The following KDM4C variants were observed in gnomAD, a reference collection of about 807,000 sequenced individuals.
KDM4C encodes the protein lysine-specific demethylase 4C.
KDM4C carries 81 observed loss-of-function variants against 129.3 expected under a neutral mutation model. The observed-to-expected ratio is 0.63, with a 90% CI of 0.52 to 0.75. KDM4C has a LOEUF of 0.75. KDM4C is among the 30% of genes least tolerant of loss of function. The pLI, the probability that KDM4C is intolerant of heterozygous loss-of-function variation, is 0.00. For missense variants in KDM4C, 1,457 were observed against 1,304.0 expected, an observed-to-expected ratio of 1.12 and a Z score of -1.81; for synonymous variants, 573 against 456.1, an observed-to-expected ratio of 1.26 and a Z score of -3.26.
intron 8 of KDM4C, among the ~76,000 whole-genome samples, chr9:6,893,983 T>C (rs189571914): frequency 3.5e-3 from 527 of 152,320 alleles, no homozygotes; most frequent in Non-Finnish European, 4.7e-3. Flanking sequence ...AGCTTCTAAA[T>C]AAAACTGTGT....
At chr9:7,040,777 A>G (rs778622195) in intron 15 of KDM4C, among the ~76,000 whole-genome samples, 10 of 151,890 alleles carry the variant, frequency 6.6e-5, no homozygotes, top group Middle Eastern at 3.2e-3. Flanking sequence ...ATTGTTTACT[A>G]AATGTGGCTT....
chr9:6,897,753 G>A (rs1253744629), intron 8 of KDM4C, among the ~76,000 whole-genome samples: 2 of 152,186 alleles, frequency 1.3e-5, no homozygotes, highest in Non-Finnish European at 2.9e-5. Flanking sequence ...TTGCAAAGTT[G>A]TAGTATTAAT....
At chr9:6,823,880 CAT>C (rs2131247886) in intron 4 of KDM4C, among the ~76,000 whole-genome samples, 1 of 152,362 alleles carries the variant, frequency 6.6e-6, no homozygotes, top group South Asian at 2.1e-4. Flanking sequence ...CTGTAGGTCT[CAT>C]ATGCTCACTT....
chr9:6,978,642 TC>T, intron 8 of KDM4C: 1 of 152,408 alleles, frequency 6.6e-6, no homozygotes, highest in East Asian at 1.9e-4. Context: ...TGGCAGCATT[TC>T]TGCTGGTATA....
At chr9:6,795,835 C>G (rs1326642522) in intron 2 of KDM4C, among the ~76,000 whole-genome samples, 1 of 150,982 alleles carries the variant, frequency 6.6e-6, no homozygotes, top group African/African-American at 2.4e-5. Flanking sequence ...CCATGCCTGG[C>G]TAAGTTTTGT....
At chr9:7,065,394 A>T (rs537124099) in intron 17 of KDM4C, among the ~76,000 whole-genome samples, 1 of 152,172 alleles carries the variant, frequency 6.6e-6, no homozygotes, top group Non-Finnish European at 1.5e-5. Flanking sequence ...GCTTAAGGTT[A>T]ATTAAAACTT....
chr9:7,072,140 T>G (rs1417702473), intron 17 of KDM4C, among the ~76,000 whole-genome samples: 7 of 152,214 alleles, frequency 4.6e-5, no homozygotes, highest in Admixed American at 4.6e-4. Flanking sequence ...AGTGTTAAGA[T>G]AACTGACAGT....
chr9:6,777,453 G>C (rs959603333), intron 1 of KDM4C, among the ~76,000 whole-genome samples: 1 of 152,110 alleles, frequency 6.6e-6, no homozygotes, highest in Non-Finnish European at 1.5e-5. Flanking sequence ...CACATCTCCG[G>C]GGCTGTGGGA....
intron 5 of KDM4C, among the ~76,000 whole-genome samples, chr9:6,858,445 C>A (rs1840296752): frequency 1.3e-5 from 2 of 152,042 alleles, no homozygotes; most frequent in South Asian, 4.1e-4. Flanking sequence ...AGAATGTTTA[C>A]CCAACTTTCT....
chr9:6,809,566 G>C (rs902340743), intron 3 of KDM4C, among the ~76,000 whole-genome samples: 2 of 152,186 alleles, frequency 1.3e-5, no homozygotes, highest in African/African-American at 2.4e-5. Context: ...AGTGCTATGA[G>C]GTTTCAAAGG....
intron 12 of KDM4C, among the ~76,000 whole-genome samples, chr9:7,000,442 G>T (rs533840264): frequency 6.6e-6 from 1 of 152,294 alleles, no homozygotes; most frequent in South Asian, 2.1e-4. Context: ...GAGATTGTAA[G>T]ATGATAAGAA....
chr9:7,012,781 A>G (rs1822946438), intron 13 of KDM4C, among the ~76,000 whole-genome samples: 1 of 152,232 alleles, frequency 6.6e-6, no homozygotes, highest in Non-Finnish European at 1.5e-5. Context: ...ATTTTAAGGT[A>G]CAATATATTA....
At chr9:6,886,653 C>T (rs552807895) in intron 6 of KDM4C, among the ~76,000 whole-genome samples, 3 of 151,866 alleles carry the variant, frequency 2.0e-5, no homozygotes, top group South Asian at 2.1e-4. Context: ...CACCATGCCT[C>T]GCTAATTTTT....
At chr9:6,762,746 C>T (rs1819806718) in intron 1 of KDM4C, among the ~76,000 whole-genome samples, 2 of 151,152 alleles carry the variant, frequency 1.3e-5, no homozygotes, top group Non-Finnish European at 2.9e-5. Flanking sequence ...GCAACCTCCA[C>T]CTCCTGGGTT....
chr9:7,102,409 G>A (rs1354908157), intron 17 of KDM4C, among the ~76,000 whole-genome samples: 2 of 141,246 alleles, frequency 1.4e-5, no homozygotes, highest in African/African-American at 2.7e-5. Flanking sequence ...CATGAGATTC[G>A]TGTTGTAAAG....
At chr9:6,766,287 GC>G (rs1307621616) in intron 1 of KDM4C, among the ~76,000 whole-genome samples, 10 of 152,044 alleles carry the variant, frequency 6.6e-5, no homozygotes, top group African/African-American at 2.4e-4. Context: ...TGTCATGTTT[GC>G]CCTCGAAACT....
chr9:7,097,500 AC>A (rs1030178658), intron 17 of KDM4C, among the ~76,000 whole-genome samples: 2 of 152,056 alleles, frequency 1.3e-5, no homozygotes, highest in Non-Finnish European at 2.9e-5. Context: ...CTCCTCCATG[AC>A]CTGAGTCATC....
chr9:6,822,622 G>A (rs1252574416), intron 4 of KDM4C, among the ~76,000 whole-genome samples: 2 of 152,128 alleles, frequency 1.3e-5, no homozygotes, highest in African/African-American at 4.8e-5. Flanking sequence ...CTAAGGGCTG[G>A]TCTGCCGATG....
intron 8 of KDM4C, among the ~76,000 whole-genome samples, chr9:6,923,685 C>T (rs1364136076): frequency 2.6e-5 from 4 of 152,054 alleles, no homozygotes; most frequent in Non-Finnish European, 5.9e-5. Context: ...TAATTAATGA[C>T]CAAAAAATAA....
Sources: allele counts gnomAD v4.1 joint callset (sites outside exome capture counted in the v4.1 genomes callset), GRCh38; gene constraint gnomAD v4.1.1; transcripts MANE v1.5; gene names NCBI Gene and HGNC (gene_info 2026-07-23, HGNC 2026-07-21).